Variants in NPR3 observed in about 807,000 individuals in gnomAD.
NPR3 encodes the protein atrial natriuretic peptide receptor 3.
In NPR3, 34 loss-of-function variants were observed where a neutral mutation model predicts 54.5. The observed-to-expected ratio is 0.62, with a 90% CI of 0.47 to 0.83. The LOEUF is 0.83. Ranked by LOEUF, NPR3 falls within the 40% of genes least tolerant of loss-of-function variation. NPR3 has a pLI of 0.00. For missense variants in NPR3, 674 were observed against 720.8 expected (o/e 0.94, Z 0.74); for synonymous variants, 289 against 297.1 (o/e 0.97, Z 0.28).
intron 3 of NPR3, among the ~76,000 whole-genome samples, chr5:32,755,050 T>C (rs1579660670): frequency 6.6e-6 from 1 of 152,064 alleles, no homozygotes; most frequent in African/African-American, 2.4e-5. Flanking sequence ...TTAGTAGAGA[T>C]GGGGTTTCAC....
intron 4 of NPR3, among the ~76,000 whole-genome samples, chr5:32,777,907 A>G (rs572831191): frequency 1.7e-4 from 26 of 152,318 alleles, no homozygotes; most frequent in Admixed American, 1.7e-3. Flanking sequence ...TGCACAATAC[A>G]CTGAGAACCT....
chr5:32,740,905 C>T (rs1380251005), intron 3 of NPR3, among the ~76,000 whole-genome samples: 1 of 151,944 alleles, frequency 6.6e-6, no homozygotes, highest in African/African-American at 2.4e-5. Flanking sequence ...ATAGTGTTGT[C>T]ATCATCCAAA....
At chr5:32,775,796 C>T (rs77594133) in intron 4 of NPR3, among the ~76,000 whole-genome samples, 1 of 152,120 alleles carries the variant, frequency 6.6e-6, no homozygotes, top group Non-Finnish European at 1.5e-5. Context: ...TGGAGTTTCA[C>T]CATGTTGGTC....
intron 1 of NPR3, among the ~76,000 whole-genome samples, chr5:32,714,164 C>G (rs1421811): frequency 0.36 from 54,284 of 151,860 alleles, 10,092 homozygotes; most frequent in Middle Eastern, 0.5. Context: ...TTCCCAAGGC[C>G]GGCTGGGACT....
intron 2 of NPR3, among the ~76,000 whole-genome samples, chr5:32,731,723 A>G (rs1268855310): frequency 6.6e-6 from 1 of 152,204 alleles, no homozygotes; most frequent in Non-Finnish European, 1.5e-5. Flanking sequence ...AGGTTAGCCA[A>G]TGTTAATATA....
Position 32,753,103 on chromosome 5 carries a change from G to A in NPR3, c.1059+14073G>A, listed in dbSNP as rs562472854. On this transcript the variant is annotated intron_variant, in intron 3 of 7. Coordinates refer to ENST00000265074, the MANE Select transcript of NPR3 (RefSeq NM_001204375.2). ...AAGTGGTACAATCTGAAAATGTGAA[G>A]AGCCACAATACCTGTGAAAAAGGTC... Among the ~76,000 whole-genome samples the A allele has an allele frequency of 1.3e-3, 195 of 152,276 alleles. 1 individual carries two copies. Among genetic ancestry groups the A allele is most frequent in the Admixed American group, 5.1e-3 (78 of 15,292 alleles).
At chr5:32,750,605 ATGG>A (rs1740526634) in intron 3 of NPR3, among the ~76,000 whole-genome samples, 1 of 152,122 alleles carries the variant, frequency 6.6e-6, no homozygotes, top group African/African-American at 2.4e-5. Flanking sequence ...GTGTTCAAAG[ATGG>A]TGGTGCCATT....
chr5:32,783,246 A>G, intron 6 of NPR3: 1 of 441,858 alleles, frequency 2.3e-6, no homozygotes, highest in East Asian at 3.7e-5. Context: ...GTTTCTTCCT[A>G]TTTTTACATC....
At chr5:32,754,970 C>G (rs1740759523) in intron 3 of NPR3, among the ~76,000 whole-genome samples, 1 of 152,240 alleles carries the variant, frequency 6.6e-6, no homozygotes, top group Non-Finnish European at 1.5e-5. Flanking sequence ...ACGCCATTCT[C>G]CTGCCTCAGC....
chr5:32,745,524 C>T (rs896548524), intron 3 of NPR3, among the ~76,000 whole-genome samples: 1 of 152,220 alleles, frequency 6.6e-6, no homozygotes, highest in East Asian at 1.9e-4. Flanking sequence ...GTTGCATCCC[C>T]TGACTCCTGC....
chr5:32,726,877 A>G (rs2111899916), intron 2 of NPR3, among the ~76,000 whole-genome samples: 1 of 152,330 alleles, frequency 6.6e-6, no homozygotes, highest in Non-Finnish European at 1.5e-5. Flanking sequence ...TTACAAAAAT[A>G]TTCTTCAATA....
rs1427333106 is a variant in NPR3, at chr5:32,757,299, T to C, written c.1060-17409T>C. Among the ~76,000 whole-genome samples the C allele has an allele frequency of 3.9e-5, 6 of 152,270 alleles. No homozygotes were observed. In the East Asian group the frequency reaches 9.6e-4, roughly 24 times the overall value. On this transcript the variant is annotated intron_variant, in intron 3 of 7. Coordinates refer to ENST00000265074, the MANE Select transcript of NPR3 (RefSeq NM_001204375.2). The stretch of plus-strand genomic sequence containing the variant: ...TTTCATTGAGCAGTGGTTTGTAGTT[T>C]TCCTTGAAGAGGTCCTTCACATCCC...
In NPR3 at chr5:32,724,694, C is replaced by T. The variant is rs1269598391; in HGVS notation, c.770-4C>T. On this transcript the variant is annotated splice_region_variant and splice_polypyrimidine_tract_variant and intron_variant, in intron 1 of 7. Transcript: ENST00000265074. ...CTCATGTGTGTTGTTTGTTCCTCCC[C>T]TAGTGGTGATCATGTGTGCGAGCAG... The T allele has an allele frequency of 2.5e-6, 4 of 1,613,824 alleles. No homozygotes were observed. In the African/African-American group the frequency reaches 5.3e-5, roughly 22 times the overall value.
upstream of NPR3, among the ~76,000 whole-genome samples, chr5:32,706,447 G>A (rs1014994205): frequency 9.9e-5 from 15 of 152,176 alleles, no homozygotes; most frequent in African/African-American, 3.6e-4. Context: ...AGGTGGAAGT[G>A]GTCAAGAGCC....
In NPR3 at chr5:32,712,562, C is replaced by A. The variant is rs371043582; in HGVS notation, c.769+17C>A. On this transcript the variant is annotated intron_variant, in intron 1 of 7. Transcript: ENST00000265074. ...GTGAGAGAGGTGAGCAGGGGCGCGTCCCGGGCCCCGGGCCCTAACCCAACC... is the reference window on the plus strand; with the variant it reads ...GTGAGAGAGGTGAGCAGGGGCGCGTACCGGGCCCCGGGCCCTAACCCAACC... The A allele has an allele frequency of 9.3e-6, 14 of 1,502,028 alleles. No homozygotes were observed. The African/African-American group carries it at 1.8e-4, about 19-fold the overall frequency. The allele number at this position is 1,502,028 out of a possible 1,614,324, so 93.0% of individuals were successfully genotyped here. A position where few individuals can be genotyped will look rare whatever the true frequency, so the allele number is the denominator to read the frequency against.
chr5:32,695,481 G>C (rs1199010777), intron 1 of NPR3, among the ~76,000 whole-genome samples: 2 of 152,066 alleles, frequency 1.3e-5, no homozygotes, highest in Non-Finnish European at 2.9e-5. Flanking sequence ...TGTTAGTCAG[G>C]ATGATCTGGA....
intron 3 of NPR3, among the ~76,000 whole-genome samples, chr5:32,743,492 C>A (rs1198200157): frequency 1.3e-5 from 2 of 152,108 alleles, no homozygotes; most frequent in Non-Finnish European, 2.9e-5. Context: ...TATTGTGATA[C>A]TCAGTTTTTC....
intron 1 of NPR3, among the ~76,000 whole-genome samples, chr5:32,695,459 G>A (rs1740506910): frequency 6.6e-6 from 1 of 152,038 alleles, no homozygotes; most frequent in Non-Finnish European, 1.5e-5. Context: ...TAGTAGAGAC[G>A]GAGTTTCACG....
chr5:32,717,328 T>C (rs535729104), intron 1 of NPR3, among the ~76,000 whole-genome samples: 36 of 152,196 alleles, frequency 2.4e-4, no homozygotes, highest in Non-Finnish European at 4.0e-4. Flanking sequence ...TGCATGTGTC[T>C]TTATAGTAGC....
Sources: gnomAD v4.1 joint callset for allele counts (sites outside exome capture counted in the v4.1 genomes callset) on GRCh38, gnomAD v4.1.1 for gene constraint, MANE v1.5 for transcripts, NCBI Gene and HGNC (gene_info 2026-07-23, HGNC 2026-07-21) for gene names.